RANBP17: variants seen among roughly 807,000 people sequenced by gnomAD.
The protein encoded by RANBP17 is RAN binding protein 17.
A neutral mutation model predicts 141.2 loss-of-function variants in RANBP17; 158 were observed. The observed-to-expected ratio is 1.12, with a 90% CI of 0.98 to 1.28. RANBP17 has a LOEUF of 1.28. Among genes scored for constraint, RANBP17 ranks in the 50% most tolerant of loss-of-function variants. RANBP17 has a pLI of 0.00. For synonymous variants in RANBP17, 430 were observed against 450.0 expected (o/e 0.96, Z 0.56); for missense variants, 1,438 against 1,290.7 (o/e 1.11, Z -1.75).
At chr5:171,125,359 C>T (rs1189590260) in intron 14 of RANBP17, among the ~76,000 whole-genome samples, 1 of 137,236 alleles carries the variant, frequency 7.3e-6, no homozygotes, top group Non-Finnish European at 1.6e-5. Flanking sequence ...ACACAGTAAC[C>T]AAAAGCTGCC....
chr5:170,913,538 A>G (rs1276944623), intron 7 of RANBP17, among the ~76,000 whole-genome samples: 1 of 152,104 alleles, frequency 6.6e-6, no homozygotes, highest in East Asian at 1.9e-4. Context: ...CGTTAATATT[A>G]TTTACATAGT....
intron 14 of RANBP17, among the ~76,000 whole-genome samples, chr5:170,970,006 G>A (rs1302896455): frequency 6.6e-6 from 1 of 151,844 alleles, no homozygotes; most frequent in East Asian, 1.9e-4. Flanking sequence ...CTGCCAATCT[G>A]TCTTAATAGA....
At chr5:170,878,791 G>C (rs1011301968) in intron 2 of RANBP17, among the ~76,000 whole-genome samples, 1 of 152,146 alleles carries the variant, frequency 6.6e-6, no homozygotes, top group South Asian at 2.1e-4. Context: ...AAATAGCTAT[G>C]AAACGATTGC....
intron 14 of RANBP17, among the ~76,000 whole-genome samples, chr5:171,116,947 A>C (rs1755675381): frequency 6.6e-6 from 1 of 152,160 alleles, no homozygotes; most frequent in Non-Finnish European, 1.5e-5. Flanking sequence ...TATTCCACTT[A>C]ACATAATGCC....
chr5:171,257,117 C>CA (rs1765950623), intron 24 of RANBP17, among the ~76,000 whole-genome samples: 3 of 152,132 alleles, frequency 2.0e-5, no homozygotes, highest in South Asian at 2.1e-4. Flanking sequence ...AAGGACACAA[C>CA]AAAAAAACTA....
At chr5:171,138,970 G>A (rs1757509892) in intron 14 of RANBP17, among the ~76,000 whole-genome samples, 1 of 152,142 alleles carries the variant, frequency 6.6e-6, no homozygotes, top group Non-Finnish European at 1.5e-5. Flanking sequence ...CCAGCTACTT[G>A]AGAGACTGAA....
intron 13 of RANBP17, among the ~76,000 whole-genome samples, chr5:170,962,359 G>T (rs997925324): frequency 2.0e-5 from 3 of 152,128 alleles, no homozygotes; most frequent in African/African-American, 7.2e-5. Flanking sequence ...AGTTGTAAAG[G>T]CACCCCAACA....
At position 170,933,330 on chromosome 5, in the gene RANBP17, C is replaced by A. The variant is rs547149356; in HGVS notation, c.1468+8780C>A. 2.2e-4 allele frequency among the ~76,000 whole-genome samples: 34 copies of A among 152,192 alleles called. 1 individual carries two copies. In the South Asian group the frequency reaches 4.6e-3, roughly 20 times the overall value. ...CTTCTTTATTAGTCTTACTAGCGGT[C>A]TATCAATTTTGTTGATCTTTTCAAA... On this transcript the variant is annotated intron_variant, in intron 12 of 27. Coordinates refer to ENST00000523189, the MANE Select transcript of RANBP17 (RefSeq NM_022897.5).
intron 14 of RANBP17, among the ~76,000 whole-genome samples, chr5:171,075,646 TA>T (rs1326908070): frequency 1.3e-5 from 2 of 152,148 alleles, no homozygotes; most frequent in Non-Finnish European, 2.9e-5. Context: ...GTGAATATAC[TA>T]AAAGTCACTG....
chr5:170,914,901 C>T (rs1771822803), intron 8 of RANBP17, among the ~76,000 whole-genome samples: 3 of 152,008 alleles, frequency 2.0e-5, no homozygotes, highest in Admixed American at 2.0e-4. Context: ...TCTAATATTG[C>T]CATTTTCTGA....
intron 15 of RANBP17, 106 bp downstream of exon 15, chr5:171,170,309 G>C: frequency 2.1e-6 from 1 of 481,620 alleles, no homozygotes; most frequent in South Asian, 6.1e-5. Context: ...TTAAATAAAA[G>C]ACTTAAAATT....
In RANBP17 at chr5:171,067,597, A is replaced by T. The variant is rs529952326; in HGVS notation, c.1710+99220A>T. On this transcript the variant is annotated intron_variant, in intron 14 of 27. Transcript: ENST00000523189. ...AATGGGCTTCTTTAGCTTCTTAAAA[A>T]TTTTTTTAAATCTAGGAACGTCTTA... Among the ~76,000 whole-genome samples the T allele has an allele frequency of 4.4e-3, 675 of 152,140 alleles. 4 individuals carry two copies. Among genetic ancestry groups the T allele is most frequent in the Non-Finnish European group, 6.1e-3 (412 of 67,948 alleles).
intron 22 of RANBP17, among the ~76,000 whole-genome samples, chr5:171,222,149 C>T (rs2127982188): frequency 6.6e-6 from 1 of 152,292 alleles, no homozygotes; most frequent in African/African-American, 2.4e-5. Context: ...CTCAAAGTTA[C>T]ATCAGGGAGT....
At chr5:170,874,063 C>G (rs1326666903) in intron 1 of RANBP17, among the ~76,000 whole-genome samples, 1 of 152,160 alleles carries the variant, frequency 6.6e-6, no homozygotes, top group Non-Finnish European at 1.5e-5. Context: ...TCATTGGTTT[C>G]ATAGAATTTC....
chr5:171,165,124 A>G (rs1759594835), intron 14 of RANBP17, among the ~76,000 whole-genome samples: 1 of 152,196 alleles, frequency 6.6e-6, no homozygotes, highest in Admixed American at 6.5e-5. Flanking sequence ...TTAAATGTCA[A>G]GCTCTGAGTT....
chr5:170,873,199 T>C (rs567340692), intron 1 of RANBP17, among the ~76,000 whole-genome samples: 1 of 152,230 alleles, frequency 6.6e-6, no homozygotes, highest in Non-Finnish European at 1.5e-5. Context: ...GCGTGAGCCA[T>C]GGCACTGGGC....
intron 14 of RANBP17, among the ~76,000 whole-genome samples, chr5:171,040,828 T>C (rs1322752080): frequency 6.6e-6 from 1 of 152,188 alleles, no homozygotes; most frequent in African/African-American, 2.4e-5. Context: ...TAGTTATCTA[T>C]TGCCGCAGAA....
chr5:171,231,492 A>G (rs1181448684), intron 22 of RANBP17, among the ~76,000 whole-genome samples: 1 of 152,112 alleles, frequency 6.6e-6, no homozygotes, highest in African/African-American at 2.4e-5. Flanking sequence ...TTTTGTTAAT[A>G]TTCAGTCTAG....
chr5:171,265,694 C>T lies in RANBP17; in HGVS notation c.2790C>T (p.Ser930=), dbSNP rs764213668. 4 of 1,612,672 alleles carry T rather than the reference C, an allele frequency of 2.5e-6. 1 individual carries two copies. In the South Asian group the frequency reaches 3.3e-5, roughly 13 times the overall value. ...CTATTTGTACAGATACAGTTGTCTC[C>T]TCCAGCTGCTGTACCAGTTTAGACT... is the stretch of plus-strand genomic sequence containing the variant. The part of the protein sequence containing the change: ...EGLTTLDTVV[S]SSCCTSLDYI... The change falls in exon 25 of 28, where the codon TCC becomes TCT. Residue 930 remains serine, a synonymous_variant. Coordinates refer to ENST00000523189, the MANE Select transcript of RANBP17 (RefSeq NM_022897.5).
Sources: gnomAD v4.1 joint callset for allele counts (sites outside exome capture counted in the v4.1 genomes callset) on GRCh38, gnomAD v4.1.1 for gene constraint, MANE v1.5 for transcripts, NCBI Gene and HGNC (gene_info 2026-07-23, HGNC 2026-07-21) for gene names.